VPS13B: variants seen among roughly 807,000 people sequenced by gnomAD.
The protein encoded by VPS13B is vacuolar protein sorting 13 homolog B.
A neutral mutation model predicts 426.4 loss-of-function variants in VPS13B; 285 were observed. That is an observed-to-expected ratio of 0.67 (90% confidence interval 0.61 to 0.74). VPS13B has a LOEUF of 0.74. VPS13B is among the 30% of genes least tolerant of loss of function. The pLI is 0.00. For synonymous variants in VPS13B, 1,676 were observed against 1,676.4 expected (o/e 1.00, Z 0.01); for missense variants, 4,537 against 4,782.6 (o/e 0.95, Z 1.51).
intron 19 of VPS13B, among the ~76,000 whole-genome samples, chr8:99,333,544 T>C (rs1031335441): frequency 7.9e-5 from 12 of 151,894 alleles, no homozygotes; most frequent in East Asian, 1.9e-4. Context: ...TTTAATTATA[T>C]GTAGTTTTAT....
intron 19 of VPS13B, among the ~76,000 whole-genome samples, chr8:99,342,963 T>C (rs1811331743): frequency 6.6e-6 from 1 of 152,176 alleles, no homozygotes; most frequent in Admixed American, 6.6e-5. Context: ...TGACTTCTCA[T>C]TGTGGTTTTA....
intron 43 of VPS13B, among the ~76,000 whole-genome samples, chr8:99,785,280 T>C (rs946072582): frequency 9.9e-5 from 15 of 152,162 alleles, no homozygotes; most frequent in Non-Finnish European, 2.9e-5. Context: ...TACTGCCTGC[T>C]TGTGATTAAA....
intron 13 of VPS13B, 82 bp from the exon 14 acceptor site, chr8:99,147,759 T>G: frequency 1.1e-6 from 1 of 937,104 alleles, no homozygotes; most frequent in Non-Finnish European, 1.4e-6. Flanking sequence ...CCTTATAGTT[T>G]GGAGAACTAA....
chr8:99,027,033 T>C (rs954637021), intron 2 of VPS13B, among the ~76,000 whole-genome samples: 3 of 152,106 alleles, frequency 2.0e-5, no homozygotes, highest in Non-Finnish European at 4.4e-5. Flanking sequence ...CCCAACATCA[T>C]GCCCAGCTAA....
At chr8:99,362,307 A>T (rs1263803843) in intron 19 of VPS13B, among the ~76,000 whole-genome samples, 1 of 151,312 alleles carries the variant, frequency 6.6e-6, no homozygotes, top group Non-Finnish European at 1.5e-5. Context: ...ACACCTGCTA[A>T]TTTTTTTTAT....
At chr8:99,533,276 A>G (rs1433684866) in intron 30 of VPS13B, among the ~76,000 whole-genome samples, 3 of 152,200 alleles carry the variant, frequency 2.0e-5, no homozygotes, top group Non-Finnish European at 2.9e-5. Flanking sequence ...TTTACTAAAA[A>G]TTAAGTATCT....
chr8:99,721,360 A>C (rs748084055), intron 39 of VPS13B, among the ~76,000 whole-genome samples: 3 of 152,186 alleles, frequency 2.0e-5, no homozygotes, highest in Non-Finnish European at 4.4e-5. Context: ...TTAAGTGCCT[A>C]TCATGTGTTC....
At chr8:99,400,716 G>T (rs1814986860) in intron 21 of VPS13B, among the ~76,000 whole-genome samples, 1 of 152,048 alleles carries the variant, frequency 6.6e-6, no homozygotes, top group Admixed American at 6.5e-5. Flanking sequence ...CTGTCATCCA[G>T]GCTGGAGTGC....
intron 13 of VPS13B, among the ~76,000 whole-genome samples, chr8:99,146,034 T>C (rs1157288853): frequency 6.6e-6 from 1 of 152,204 alleles, no homozygotes; most frequent in African/African-American, 2.4e-5. Flanking sequence ...TGCCATCTCA[T>C]TGTGGTTTTA....
chr8:99,267,827 A>T (rs1214272204), intron 17 of VPS13B, among the ~76,000 whole-genome samples: 1 of 152,152 alleles, frequency 6.6e-6, no homozygotes, highest in Non-Finnish European at 1.5e-5. Flanking sequence ...AATGTTAATC[A>T]CCAAGACAAT....
At chr8:99,045,513 T>C (rs1205023531) in intron 3 of VPS13B, among the ~76,000 whole-genome samples, 4 of 152,216 alleles carry the variant, frequency 2.6e-5, no homozygotes, top group Non-Finnish European at 5.9e-5. Flanking sequence ...GTCTGTTTAC[T>C]CTGCTGACTG....
intron 24 of VPS13B, among the ~76,000 whole-genome samples, chr8:99,469,459 G>A (rs978774309): frequency 6.6e-6 from 1 of 152,000 alleles, no homozygotes; most frequent in African/African-American, 2.4e-5. Flanking sequence ...TACATGGTGT[G>A]AGCACCATGC....
At chr8:99,485,138 C>T (rs545935791) in intron 25 of VPS13B, among the ~76,000 whole-genome samples, 1 of 152,250 alleles carries the variant, frequency 6.6e-6, no homozygotes. Context: ...ATTTTTGAAA[C>T]CCTACTAGGG....
At chr8:99,326,207 C>A (rs1810247655) in intron 19 of VPS13B, among the ~76,000 whole-genome samples, 1 of 151,866 alleles carries the variant, frequency 6.6e-6, no homozygotes, top group African/African-American at 2.4e-5. Flanking sequence ...AGATGAGGAA[C>A]CCTGCTTGAA....
intron 3 of VPS13B, 32 bp downstream of exon 3, chr8:99,038,598 T>G (rs759146577): frequency 1.3e-6 from 2 of 1,595,672 alleles, no homozygotes; most frequent in Non-Finnish European, 1.7e-6. Flanking sequence ...TTGTTTATGT[T>G]AACTAATTTT....
At chr8:99,519,275 T>C (rs1179027815) in intron 29 of VPS13B, among the ~76,000 whole-genome samples, 1 of 152,124 alleles carries the variant, frequency 6.6e-6, no homozygotes, top group African/African-American at 2.4e-5. Context: ...CCAGTTAGAA[T>C]GGTGATCATT....
intron 21 of VPS13B, among the ~76,000 whole-genome samples, chr8:99,428,350 A>G (rs970528087): frequency 6.6e-6 from 1 of 152,196 alleles, no homozygotes; most frequent in Non-Finnish European, 1.5e-5. Flanking sequence ...GTGAACAGGC[A>G]ACCTATAGAA....
intron 2 of VPS13B, among the ~76,000 whole-genome samples, chr8:99,020,756 T>C (rs1806880767): frequency 6.6e-6 from 1 of 152,216 alleles, no homozygotes; most frequent in Non-Finnish European, 1.5e-5. Flanking sequence ...ACCATAGATG[T>C]GAGAGTTTAT....
At chr8:99,142,881 C>G in intron 12 of VPS13B, 93 bp from the exon 13 acceptor site, 1 of 1,358,310 alleles carries the variant, frequency 7.4e-7, no homozygotes, top group Non-Finnish European at 1.0e-6. Context: ...AGGCATTAAG[C>G]TACAAGCTAT....
Sources: allele counts gnomAD v4.1 joint callset (sites outside exome capture counted in the v4.1 genomes callset), GRCh38; gene constraint gnomAD v4.1.1; transcripts MANE v1.5; gene names NCBI Gene and HGNC (gene_info 2026-07-23, HGNC 2026-07-21).